DZANK1: variants seen among roughly 807,000 people sequenced by gnomAD.
DZANK1 encodes the protein double zinc ribbon and ankyrin repeat-containing protein 1.
Under a neutral mutation model 94.5 loss-of-function variants are expected in DZANK1, and 91 were observed. The observed-to-expected ratio is 0.96, with a 90% CI of 0.81 to 1.15. The LOEUF is 1.15. DZANK1 is among the 50% of genes most tolerant of loss of function. DZANK1 has a pLI of 0.00. For synonymous variants in DZANK1, 312 were observed against 325.3 expected, an observed-to-expected ratio of 0.96 and a Z score of 0.44; for missense variants, 903 against 916.4, an observed-to-expected ratio of 0.99 and a Z score of 0.19.
intron 2 of DZANK1, among the ~76,000 whole-genome samples, chr20:18,463,872 T>TA (rs11087255): frequency 0.9 from 136,381 of 151,852 alleles, 61,487 homozygotes; most frequent in Non-Finnish European, 0.93. Flanking sequence ...TATAATTGGT[T>TA]AAAAAAAGGC....
At chr20:18,447,508 A>G (rs1261011081) in intron 7 of DZANK1, among the ~76,000 whole-genome samples, 1 of 150,994 alleles carries the variant, frequency 6.6e-6, no homozygotes, top group Non-Finnish European at 1.5e-5. Context: ...TTGTATTTTT[A>G]GTAGAGATGG....
chr20:18,452,743 C>G lies in DZANK1; in HGVS notation c.476-61G>C. 1 of 1,555,542 alleles carries G rather than the reference C, an allele frequency of 6.4e-7. No individual in the cohort carries two copies. Among genetic ancestry groups the G allele is most frequent in the South Asian group, 1.2e-5 (1 of 83,326 alleles). ...GTTCTTTCACCTACCTGGACGTCTACAATGATATTAAAAACATTATTCTTT... is the reference window on the plus strand; with the variant it reads ...GTTCTTTCACCTACCTGGACGTCTAGAATGATATTAAAAACATTATTCTTT... On this transcript the variant is annotated intron_variant, in intron 5 of 20. Transcript: ENST00000262547.
chr20:18,449,737 G>GAC (rs2059024621), intron 6 of DZANK1, among the ~76,000 whole-genome samples: 1 of 130,608 alleles, frequency 7.7e-6, no homozygotes, highest in African/African-American at 2.9e-5. Context: ...CAGCCTGGGT[G>GAC]AGAGTGAGAC....
At chr20:18,456,038 G>T (rs2059274186) in intron 3 of DZANK1, among the ~76,000 whole-genome samples, 1 of 152,174 alleles carries the variant, frequency 6.6e-6, no homozygotes, top group Non-Finnish European at 1.5e-5. Context: ...TTACAAAAGG[G>T]CATAAATTCT....
chr20:18,446,064 CAAAAAA>C (rs144762783), intron 7 of DZANK1, among the ~76,000 whole-genome samples: 12 of 124,676 alleles, frequency 9.6e-5, no homozygotes, highest in Non-Finnish European at 1.7e-4. Context: ...CACGCCCAGC[CAAAAAA>C]AAAAAAAAGA....
At chr20:18,438,218 C>CAAAAAAAAAAAAAAAAAAAA (rs761846698) in intron 8 of DZANK1, among the ~76,000 whole-genome samples, 1 of 57,744 alleles carries the variant, frequency 1.7e-5, no homozygotes, top group Non-Finnish European at 3.1e-5. Flanking sequence ...GACTCTGTCT[C>CAAAAAAAAAAAAAAAAAAAA]AAAAAAAAAA....
At chr20:18,414,289 C>CGT (rs1157915334) in intron 12 of DZANK1, 59 bp downstream of exon 12, 36 of 1,587,204 alleles carry the variant, frequency 2.3e-5, no homozygotes, top group Non-Finnish European at 2.8e-5. Flanking sequence ...GTGGAGCACA[C>CGT]ACATTCAGAG....
chr20:18,391,820 G>A (rs560021293), intron 17 of DZANK1, among the ~76,000 whole-genome samples: 42 of 152,294 alleles, frequency 2.8e-4, no homozygotes, highest in Admixed American at 7.2e-4. Flanking sequence ...TGGTCCAGGC[G>A]GTGCTGCCTC....
At chr20:18,415,913 C>T (rs1228379361) in intron 10 of DZANK1, among the ~76,000 whole-genome samples, 1 of 152,172 alleles carries the variant, frequency 6.6e-6, no homozygotes, top group Non-Finnish European at 1.5e-5. Flanking sequence ...ATATTGGGGA[C>T]AGAGGCAGAA....
intron 10 of DZANK1, 114 bp from the exon 11 acceptor site, chr20:18,415,563 T>A: frequency 8.2e-7 from 1 of 1,215,222 alleles, no homozygotes; most frequent in African/African-American, 1.6e-5. Flanking sequence ...AAATAGTGTT[T>A]TTTTTGTTTT....
At chr20:18,385,057 C>G (rs1329457412) in exon 20 of DZANK1, 1 of 1,553,258 alleles carries the variant, frequency 6.4e-7, no homozygotes, top group African/African-American at 1.4e-5. Flanking sequence ...CAAGGCCAAG[C>G]AGAGTTGCTT....
At chr20:18,426,097 C>T (rs2058030418) in intron 10 of DZANK1, among the ~76,000 whole-genome samples, 1 of 152,206 alleles carries the variant, frequency 6.6e-6, no homozygotes, top group Admixed American at 6.5e-5. Context: ...CTGTACTTAT[C>T]TGTGGCTTGT....
intron 7 of DZANK1, among the ~76,000 whole-genome samples, chr20:18,444,734 G>GTT (rs112360737): frequency 2.0e-5 from 3 of 151,924 alleles, no homozygotes; most frequent in East Asian, 3.9e-4. Context: ...GTCAGGTATG[G>GTT]TTTTTTTTAA....
At chr20:18,414,356 A>G (rs2057389567) in exon 12 of DZANK1, 1 of 1,613,838 alleles carries the variant, frequency 6.2e-7, no homozygotes, top group East Asian at 2.2e-5. Flanking sequence ...ACCTCAGAAA[A>G]AGGGCGAGGT....
chr20:18,424,680 G>A (rs762849726), intron 10 of DZANK1, among the ~76,000 whole-genome samples: 45 of 152,132 alleles, frequency 3.0e-4, no homozygotes, highest in Non-Finnish European at 5.1e-4. Context: ...TTAAACATGC[G>A]TTTAAATAGG....
At chr20:18,414,074 G>C (rs1046259396) in intron 12 of DZANK1, among the ~76,000 whole-genome samples, 3 of 152,150 alleles carry the variant, frequency 2.0e-5, no homozygotes, top group Admixed American at 1.3e-4. Context: ...AAAAGGGGAA[G>C]GAAAAGTTCT....
rs1228536892 is a variant in DZANK1 at position 18,455,379 on chromosome 20, G to A, written c.264-18C>T. 1 of 1,547,364 alleles carries A rather than the reference G, an allele frequency of 6.5e-7. No homozygotes were observed. The highest frequency in any genetic ancestry group is 8.8e-7 in the Non-Finnish European group (1 of 1,139,348). ...TGCAGTCTCTGAAAATTATTATTAAGAAAGGAAAAAGTCTGTGTTACACAA... is the reference window on the plus strand; with the variant it reads ...TGCAGTCTCTGAAAATTATTATTAAAAAAGGAAAAAGTCTGTGTTACACAA... On this transcript the variant is annotated intron_variant, in intron 3 of 20. Coordinates refer to ENST00000262547, the Ensembl canonical transcript of DZANK1.
intron 20 of DZANK1, among the ~76,000 whole-genome samples, chr20:18,384,771 C>T (rs576405811): frequency 6.6e-6 from 1 of 152,258 alleles, no homozygotes; most frequent in East Asian, 1.9e-4. Context: ...TTCAAAATGT[C>T]CAATTGCAAA....
intron 9 of DZANK1, 110 bp downstream of exon 9, chr20:18,433,542 A>G: frequency 4.2e-6 from 1 of 237,948 alleles, no homozygotes. Flanking sequence ...ATTCTGTCTC[A>G]AAAAAAAAAA....
Sources: allele counts gnomAD v4.1 joint callset (sites outside exome capture counted in the v4.1 genomes callset), GRCh38; gene constraint gnomAD v4.1.1; transcripts MANE v1.5; gene names NCBI Gene and HGNC (gene_info 2026-07-23, HGNC 2026-07-21).